Variants in NTM observed in about 807,000 individuals in gnomAD.
NTM encodes the protein IgLON family member 2.
A neutral mutation model predicts 42.1 loss-of-function variants in NTM; 13 were observed. That is an observed-to-expected ratio of 0.31 (90% CI 0.20 to 0.49). The LOEUF (loss-of-function observed/expected upper bound fraction) is 0.49, where lower values mean the gene tolerates loss of function less well. Among genes scored for constraint, NTM ranks in the 20% least tolerant of loss-of-function variants. The probability of loss-of-function intolerance (pLI) is 0.99; values close to 1 mark genes in which losing one functional copy is unlikely to be tolerated. For missense variants in NTM, 373 were observed against 452.8 expected (o/e 0.82, Z 1.60); for synonymous variants, 187 against 179.2 (o/e 1.04, Z -0.35).
chr11:131,939,594 A>G (rs1023498330), intron 2 of NTM, among the ~76,000 whole-genome samples: 3 of 152,100 alleles, frequency 2.0e-5, no homozygotes, highest in African/African-American at 7.2e-5. Flanking sequence ...GGTGAGAGGT[A>G]GAGTACAAGC....
In NTM at chr11:132,150,987, C is replaced by A. The variant is rs564814320; in HGVS notation, c.400+4473C>A. ...TGGATTTGCATGTCCTGAACATAAT[C>A]TTTTTGTCCAGAATAGGGGAGATTC... On this transcript the variant is annotated intron_variant, in intron 3 of 8. Coordinates refer to ENST00000683400, the MANE Select transcript of NTM (RefSeq NM_001352005.2). Among the ~76,000 whole-genome samples the A allele has an allele frequency of 5.3e-5, 8 of 152,284 alleles. No individual in the cohort carries two copies. The East Asian group carries it at 1.5e-3, about 29-fold the overall frequency.
Position 131,661,082 on chromosome 11 carries a change from A to AGACT in NTM, c.83-250480_83-250477dup, listed in dbSNP as rs1401969715. 7.0e-6 allele frequency: 9 copies of AGACT among 1,284,064 alleles called. No individual in the cohort carries two copies. The Admixed American group carries it at 1.4e-4, about 20-fold the overall frequency. 79.5% of individuals were successfully genotyped at this position (1,284,064 alleles called of 1,614,324 possible). On this transcript the variant is annotated intron_variant, in intron 1 of 8. Coordinates refer to ENST00000683400, the MANE Select transcript of NTM (RefSeq NM_001352005.2). ...ATACTCAATTCTTCATCTTTTGCAC[A>AGACT]GACTGGTGGGGGGGTCTTCCCCCTA... is the stretch of plus-strand genomic sequence containing the variant.
rs1291308289 is a variant in NTM, at chr11:131,585,247, C to T, written c.82+214359C>T. Among the ~76,000 whole-genome samples, 4 of 152,118 alleles carry T rather than the reference C, an allele frequency of 2.6e-5. No homozygotes were observed. The East Asian group carries it at 5.8e-4, about 22-fold the overall frequency. ...AGGGGTTTTTCCCCCCTTCCTTTCCCTTTTTGCACCATGCACATGTAAATG... is the reference window on the plus strand; with the variant it reads ...AGGGGTTTTTCCCCCCTTCCTTTCCTTTTTTGCACCATGCACATGTAAATG... On this transcript the variant is annotated intron_variant, in intron 1 of 8. Coordinates refer to ENST00000683400, the MANE Select transcript of NTM (RefSeq NM_001352005.2).
At position 132,106,450 on chromosome 11, in the gene NTM, A is replaced by T. The variant is rs141925452; in HGVS notation, c.168-39832A>T. Among the ~76,000 whole-genome samples the T allele has an allele frequency of 2.6e-3, 402 of 152,336 alleles. 5 individuals are homozygous for T. Among genetic ancestry groups the T allele is most frequent in the African/African-American group, 9.0e-3 (376 of 41,572 alleles). ...GGAGATTTGAGCCATCTGGATTAAAATGGTCAAACTCTCCGCAGGAAGCAA... is the reference window on the plus strand; with the variant it reads ...GGAGATTTGAGCCATCTGGATTAAATTGGTCAAACTCTCCGCAGGAAGCAA... On this transcript the variant is annotated intron_variant, in intron 2 of 8. Transcript: ENST00000683400.
At chr11:132,299,118 AC>A (rs2094736976) in intron 4 of NTM, among the ~76,000 whole-genome samples, 1 of 150,296 alleles carries the variant, frequency 6.7e-6, no homozygotes, top group Non-Finnish European at 1.5e-5. Flanking sequence ...ACACAATGAA[AC>A]CCCGTCTCTA....
At chr11:132,019,724 A>T (rs1003504922) in intron 2 of NTM, among the ~76,000 whole-genome samples, 1 of 152,086 alleles carries the variant, frequency 6.6e-6, no homozygotes, top group Non-Finnish European at 1.5e-5. Flanking sequence ...TTTGAATCTA[A>T]CATGTAGAAA....
chr11:131,682,846 G>A (rs1006994597), intron 1 of NTM, among the ~76,000 whole-genome samples: 1 of 152,042 alleles, frequency 6.6e-6, no homozygotes, highest in Non-Finnish European at 1.5e-5. Context: ...GGATCACGGT[G>A]GCAGCCGCTG....
intron 1 of NTM, among the ~76,000 whole-genome samples, chr11:131,891,714 T>C (rs1052196488): frequency 2.6e-5 from 4 of 152,178 alleles, no homozygotes; most frequent in African/African-American, 2.4e-5. Context: ...TGTATTTTTC[T>C]GTGGACAACA....
At chr11:131,422,485 T>C (rs1405090362) in intron 1 of NTM, among the ~76,000 whole-genome samples, 2 of 152,134 alleles carry the variant, frequency 1.3e-5, no homozygotes, top group Non-Finnish European at 2.9e-5. Flanking sequence ...GCAAATTAAG[T>C]AGAAAATCAG....
At chr11:131,676,068 T>G (rs896157526) in intron 1 of NTM, among the ~76,000 whole-genome samples, 1 of 152,122 alleles carries the variant, frequency 6.6e-6, no homozygotes, top group Non-Finnish European at 1.5e-5. Flanking sequence ...TGGACTGACA[T>G]TTAGCCAGAT....
intron 2 of NTM, among the ~76,000 whole-genome samples, chr11:131,955,664 G>A (rs1013846047): frequency 1.3e-5 from 2 of 152,084 alleles, no homozygotes; most frequent in African/African-American, 4.8e-5. Flanking sequence ...GTGGCACCAA[G>A]ACCTGGAAGG....
chr11:131,539,489 G>A (rs1344117478), intron 1 of NTM: 3 of 152,166 alleles, frequency 2.0e-5, no homozygotes, highest in Non-Finnish European at 4.4e-5. Flanking sequence ...TCATGTTTGG[G>A]GCACTCTTGT....
intron 4 of NTM, among the ~76,000 whole-genome samples, chr11:132,285,909 C>G (rs2094211812): frequency 6.6e-6 from 1 of 152,166 alleles, no homozygotes; most frequent in African/African-American, 2.4e-5. Flanking sequence ...TGTAGCCACT[C>G]TAGCTTATCC....
rs200565983 is a variant in NTM at position 131,768,121 on chromosome 11, A to AT, written c.83-143425dup. Among the ~76,000 whole-genome samples the AT allele has an allele frequency of 1.6e-3, 193 of 121,496 alleles. 1 individual carries two copies. Among genetic ancestry groups the AT allele is most frequent in the South Asian group, 6.3e-3 (23 of 3,624 alleles). 79.7% of individuals were successfully genotyped at this position (121,496 alleles called of 152,430 possible). The stretch of plus-strand genomic sequence containing the variant: ...ATCCATTGAACACTTGCAAAAACTT[A>AT]TTTTTTTTTTTTTTTTTTGAGACGG... On this transcript the variant is annotated intron_variant, in intron 1 of 8. Transcript: ENST00000683400.
rs112679605 is a variant in NTM, at chr11:131,881,511, C to A, written c.83-30053C>A. 2.5e-4 allele frequency among the ~76,000 whole-genome samples: 23 copies of A among 91,296 alleles called. 2 individuals are homozygous for A. The highest frequency in any genetic ancestry group is 6.3e-3 in the Middle Eastern group (1 of 160). 59.9% of individuals were successfully genotyped at this position (91,296 alleles called of 152,430 possible). A position where few individuals can be genotyped will look rare whatever the true frequency, so the allele number is the denominator to read the frequency against. ...ACACACACACACACACACACACACC[C>A]CCCAAAGCTTTGACGCAGAGGAGCA... On this transcript the variant is annotated intron_variant, in intron 1 of 8. Coordinates refer to ENST00000683400, the MANE Select transcript of NTM (RefSeq NM_001352005.2).
intron 1 of NTM, among the ~76,000 whole-genome samples, chr11:131,625,865 G>A (rs1199926558): frequency 6.6e-6 from 1 of 152,210 alleles, no homozygotes; most frequent in East Asian, 1.9e-4. Context: ...GTGTTTGTGA[G>A]ATCCAAGCAT....
chr11:131,479,437 T>C (rs938284790), intron 1 of NTM, among the ~76,000 whole-genome samples: 2 of 152,156 alleles, frequency 1.3e-5, no homozygotes, highest in African/African-American at 4.8e-5. Flanking sequence ...GCAGATGGGT[T>C]ATTTGGGGAG....
chr11:132,238,566 G>T (rs2089557259), intron 4 of NTM, among the ~76,000 whole-genome samples: 1 of 149,320 alleles, frequency 6.7e-6, no homozygotes, highest in South Asian at 2.1e-4. Context: ...CTTTTGGCAT[G>T]AGGTTGTCTT....
At chr11:131,553,100 G>A (rs1470996960) in intron 1 of NTM, among the ~76,000 whole-genome samples, 3 of 152,112 alleles carry the variant, frequency 2.0e-5, no homozygotes, top group Admixed American at 1.3e-4. Flanking sequence ...AAAATCGAGG[G>A]CATGGTTATA....
Sources: allele counts gnomAD v4.1 joint callset (sites outside exome capture counted in the v4.1 genomes callset), GRCh38; gene constraint gnomAD v4.1.1; transcripts MANE v1.5; gene names NCBI Gene and HGNC (gene_info 2026-07-23, HGNC 2026-07-21).